CES2: variants seen among roughly 807,000 people sequenced by gnomAD.
CES2 encodes the protein carboxylesterase 2, also known as cocaine esterase.
A neutral mutation model predicts 52.1 loss-of-function variants in CES2; 42 were observed. The ratio of observed to expected loss-of-function variants is 0.81; its 90% CI spans 0.63 to 1.04. The LOEUF is 1.04. Ranked by LOEUF, CES2 falls within the 50% of genes least tolerant of loss-of-function variation. The pLI is 0.00. For synonymous variants in CES2, 277 were observed against 289.6 expected (o/e 0.96, Z 0.44); for missense variants, 656 against 724.3 (o/e 0.91, Z 1.08).
At position 66,943,406 on chromosome 16, in the gene CES2, T is replaced by C. The variant is rs540236114; in HGVS notation, c.1493+35T>C. ...CACACCCCTGCCTCAACCTCCCCGA[T>C]TGGGGGACTTGTGCCCATCCAGTGC... On this transcript the variant is annotated intron_variant, in intron 11 of 11. Transcript: ENST00000317091. This position sits in a 1 kb window ranked among gnomAD's most constrained non-coding sequence, Gnocchi z 4.2. 35 of 1,610,132 alleles carry C rather than the reference T, an allele frequency of 2.2e-5. No homozygotes were observed. The highest frequency in any genetic ancestry group is 6.7e-5 in the East Asian group (3 of 44,858).
chr16:66,943,475 A>T lies in CES2; in HGVS notation c.1493+104A>T. On this transcript the variant is annotated intron_variant, in intron 11 of 11. Coordinates refer to ENST00000317091, the MANE Select transcript of CES2 (RefSeq NM_001365405.1). The surrounding 1 kb of genome is among the most constrained non-coding windows in gnomAD (Gnocchi z 4.2). ...CCTCATGAGCACACCCGCATCCTTC[A>T]TCACATGATGGCCCCTTCCCCAGCT... 1 of 1,212,144 alleles carries T rather than the reference A, an allele frequency of 8.2e-7. No individual in the cohort carries two copies. Among genetic ancestry groups the T allele is most frequent in the Non-Finnish European group, 1.2e-6 (1 of 833,998 alleles). The allele number at this position is 1,212,144 out of a possible 1,614,324, so 75.1% of individuals were successfully genotyped here.
In CES2 at chr16:66,943,153, G is replaced by C; in HGVS notation, c.1421-146G>C. On this transcript the variant is annotated intron_variant, in intron 10 of 11. Transcript: ENST00000317091. The surrounding 1 kb of genome is among the most constrained non-coding windows in gnomAD (Gnocchi z 4.2). Reference sequence around the variant, plus strand: ...TGGTCTACAGGGAAAGTTTGGAAAAGGGGAGGGCTGGCTTCTGAGGGCAGT... The same window carrying C: ...TGGTCTACAGGGAAAGTTTGGAAAACGGGAGGGCTGGCTTCTGAGGGCAGT... 1.2e-6 allele frequency: 1 copy of C among 835,360 alleles called. No individual in the cohort carries two copies. The highest frequency in any genetic ancestry group is 2.7e-5 in the East Asian group (1 of 37,246). The allele number at this position is 835,360 out of a possible 1,614,324, so 51.7% of individuals were successfully genotyped here.
At position 66,944,759 on chromosome 16, in the gene CES2, TAAGAG is replaced by T. The variant is rs1567550972; in HGVS notation, c.*736_*740del. ...GAGCGAGACTCCGTTTCCAAAAAAA[TAAGAG>T]AGAATAGAAGAAGCTACTGCATGAT... On this transcript the variant is annotated 3_prime_UTR_variant, in exon 12 of 12. Transcript: ENST00000317091. 1 of 152,084 alleles carries T rather than the reference TAAGAG, an allele frequency of 6.6e-6. No homozygotes were observed. Among genetic ancestry groups the T allele is most frequent in the Non-Finnish European group, 1.5e-5 (1 of 68,028 alleles). 9.4% of individuals were successfully genotyped at this position (152,084 alleles called of 1,614,324 possible).
Position 66,943,591 on chromosome 16 carries a change from G to A in CES2, c.1493+220G>A, listed in dbSNP as rs1344149988. The A allele has an allele frequency of 6.7e-6, 4 of 595,144 alleles. No homozygotes were observed. The highest frequency in any genetic ancestry group is 6.1e-5 in the Admixed American group (2 of 33,024). The allele number at this position is 595,144 out of a possible 1,614,324, so 36.9% of individuals were successfully genotyped here. Reference sequence around the variant, plus strand: ...CCTGGAGGGTGGGCGCCAGTGCTGTGCCACCGTCAGGGCCTCCCTCTCAGA... The same window carrying A: ...CCTGGAGGGTGGGCGCCAGTGCTGTACCACCGTCAGGGCCTCCCTCTCAGA... On this transcript the variant is annotated intron_variant, in intron 11 of 11. Coordinates refer to ENST00000317091, the MANE Select transcript of CES2 (RefSeq NM_001365405.1). The surrounding 1 kb of genome is among the most constrained non-coding windows in gnomAD (Gnocchi z 4.2).
At chr16:66,941,699 G>T in intron 7 of CES2, 53 bp downstream of exon 7, 3 of 1,613,244 alleles carry the variant, frequency 1.9e-6, no homozygotes, top group Middle Eastern at 1.7e-4. Flanking sequence ...TGGTAGTGGG[G>T]GGTGTTCAGG....
At chr16:66,934,484 G>A, upstream of CES2, 4 of 1,385,280 alleles carry the variant, frequency 2.9e-6, no homozygotes, top group Non-Finnish European at 2.8e-6. The surrounding 1 kb of genome is among the most constrained non-coding windows in gnomAD (Gnocchi z 4.1). Flanking sequence ...ACGCCGCGTT[G>A]TGGGTTCTCG....
At position 66,940,351 on chromosome 16, in the gene CES2, T is replaced by C; in HGVS notation, c.553T>C (p.Phe185Leu). 1.9e-6 allele frequency: 3 copies of C among 1,614,192 alleles called. No individual in the cohort carries two copies. Among genetic ancestry groups the C allele is most frequent in the Non-Finnish European group, 1.7e-6 (2 of 1,180,022 alleles). Residue 185 changes from phenylalanine (F) to leucine (L), a missense_variant, in exon 4 of 12, where the codon TTC becomes CTC. Physicochemically the swap from Phe to Leu is conservative, Grantham distance 22. Coordinates refer to ENST00000317091, the MANE Select transcript of CES2 (RefSeq NM_001365405.1). ...GTACCGCCTGGGTGTCCTGGGCTTC[T>C]TCAGGTGAGACTAGGGCTGGGCTGG... ...IQYRLGVLGF[F>L]STGDKHATGN...
At position 66,935,718 on chromosome 16, in the gene CES2, C is replaced by T. The variant is rs1430079116; in HGVS notation, c.76+7C>T. On this transcript the variant is annotated splice_region_variant and intron_variant, in intron 1 of 11. Coordinates refer to ENST00000317091, the MANE Select transcript of CES2 (RefSeq NM_001365405.1). Reference sequence around the variant, plus strand: ...CTTCTTGTCCGGGGCCAGGGTGAGGCTCCCTCGGAGGGGCGACAGGGACCG... The same window carrying T: ...CTTCTTGTCCGGGGCCAGGGTGAGGTTCCCTCGGAGGGGCGACAGGGACCG... 1.3e-6 allele frequency: 2 copies of T among 1,599,630 alleles called. No homozygotes were observed. Among genetic ancestry groups the T allele is most frequent in the Non-Finnish European group, 1.7e-6 (2 of 1,179,822 alleles).
chr16:66,939,476 C>G (rs773712112), intron 3 of CES2, 118 bp downstream of exon 3: 10 of 1,120,838 alleles, frequency 8.9e-6, no homozygotes, highest in Non-Finnish European at 1.0e-5. Context: ...AAGCTTCTCA[C>G]TGTCAGGTCC....
chr16:66,942,095 C>T lies in CES2; in HGVS notation c.1138-10C>T, dbSNP rs749910637. The T allele has an allele frequency of 3.7e-6, 6 of 1,601,158 alleles. No individual in the cohort carries two copies. The highest frequency in any genetic ancestry group is 5.1e-6 in the Non-Finnish European group (6 of 1,170,768). On this transcript the variant is annotated splice_polypyrimidine_tract_variant and intron_variant, in intron 8 of 11. Transcript: ENST00000317091. The stretch of plus-strand genomic sequence containing the variant: ...GTCTAACCTGCCTCTTCCTGATCCA[C>T]CTGGGGTAGATGTTGCCTCCTACAT...
chr16:66,938,472 C>T (rs1050610834), intron 2 of CES2: 2 of 571,016 alleles, frequency 3.5e-6, no homozygotes, highest in Non-Finnish European at 3.1e-6. Flanking sequence ...GACATTGGCT[C>T]CAGGTGCCGA....
In CES2 at chr16:66,943,931, C is replaced by T; in HGVS notation, c.1586C>T (p.Ala529Val). The T allele has an allele frequency of 6.2e-7, 1 of 1,610,236 alleles. No individual in the cohort carries two copies. The highest frequency in any genetic ancestry group is 8.5e-7 in the Non-Finnish European group (1 of 1,177,266). ...AACCTACAGCCTGCGGTGGGCCGGGCTCTGAAGGCCCACAGGCTCCAGTTC... is the reference window on the plus strand; with the variant it reads ...AACCTACAGCCTGCGGTGGGCCGGGTTCTGAAGGCCCACAGGCTCCAGTTC... ...QLNLQPAVGR[A>V]LKAHRLQFWK... Residue 529 changes from alanine to valine, a missense_variant, in exon 12 of 12, where the codon GCT (alanine) becomes GTT (valine). Coordinates refer to ENST00000317091, the MANE Select transcript of CES2 (RefSeq NM_001365405.1). This position sits in a 1 kb window ranked among gnomAD's most constrained non-coding sequence, Gnocchi z 4.2.
intron 5 of CES2, 105 bp downstream of exon 5, chr16:66,940,800 C>G: frequency 2.9e-6 from 4 of 1,388,312 alleles, no homozygotes; most frequent in Non-Finnish European, 3.8e-6. Context: ...GGAGCATGCT[C>G]CAGGAGCTGC....
At position 66,943,278 on chromosome 16, in the gene CES2, A is replaced by G. The variant is rs760804298; in HGVS notation, c.1421-21A>G. ...AGGTTGGACATCCTGATGAAGACAC[A>G]TGTCCTCTTCCTCTTGGCAGTTAAA... On this transcript the variant is annotated intron_variant, in intron 10 of 11. Coordinates refer to ENST00000317091, the MANE Select transcript of CES2 (RefSeq NM_001365405.1). This position sits in a 1 kb window ranked among gnomAD's most constrained non-coding sequence, Gnocchi z 4.2. 3 of 1,613,590 alleles carry G rather than the reference A, an allele frequency of 1.9e-6. No homozygotes were observed. In the Admixed American group the frequency reaches 5.0e-5, roughly 27 times the overall value.
upstream of CES2, chr16:66,935,017 C>T (rs1963164976): frequency 5.9e-6 from 1 of 169,790 alleles, no homozygotes. Context: ...AGGGAGGGGA[C>T]CGCGGAGACC....
Position 66,941,855 on chromosome 16 carries a change from C to G in CES2, c.1137+7C>G. ...GAAAATGTTAACGCTGCTGGTAAGG[C>G]TCCTGGGGTCCCTCGCCAATGGAGA... On this transcript the variant is annotated splice_region_variant and intron_variant, in intron 8 of 11. Transcript: ENST00000317091. 6.2e-7 allele frequency: 1 copy of G among 1,614,108 alleles called. No homozygotes were observed. Among genetic ancestry groups the G allele is most frequent in the Non-Finnish European group, 8.5e-7 (1 of 1,180,004 alleles).
At chr16:66,941,349 T>A (rs2145506870) in intron 6 of CES2, 127 bp downstream of exon 6, 1 of 1,520,330 alleles carries the variant, frequency 6.6e-7, no homozygotes, top group East Asian at 2.4e-5. Context: ...TAGCCCTGGG[T>A]CGGGACTGAA....
Position 66,944,755 on chromosome 16 carries a change from A to G in CES2, c.*730A>G, listed in dbSNP as rs1031428566. On this transcript the variant is annotated 3_prime_UTR_variant, in exon 12 of 12. Transcript: ENST00000317091. ...ACAAGAGCGAGACTCCGTTTCCAAA[A>G]AAATAAGAGAGAATAGAAGAAGCTA... 1 of 152,238 alleles carries G rather than the reference A, an allele frequency of 6.6e-6. No homozygotes were observed. The highest frequency in any genetic ancestry group is 2.4e-5 in the African/African-American group (1 of 41,448). The allele number at this position is 152,238 out of a possible 1,614,324, so 9.4% of individuals were successfully genotyped here. A position where few individuals can be genotyped will look rare whatever the true frequency, so the allele number is the denominator to read the frequency against.
At chr16:66,939,123 A>C (rs1963290573) in intron 2 of CES2, 94 bp from the exon 3 acceptor site, 14 of 1,026,276 alleles carry the variant, frequency 1.4e-5, no homozygotes, top group Middle Eastern at 5.1e-4. Flanking sequence ...ATATTGTGGG[A>C]AGGGTCTGAG....
Sources: allele counts gnomAD v4.1 joint callset, GRCh38; gene constraint gnomAD v4.1.1; non-coding constraint Gnocchi (gnomAD v3.1); transcripts MANE v1.5; gene names NCBI Gene and HGNC (gene_info 2026-07-23, HGNC 2026-07-21).